Variants in C4orf50 observed in about 807,000 individuals in gnomAD.
C4orf50 encodes the protein chromosome 4 open reading frame 50, also known as uncharacterized protein C4orf50.
In C4orf50, 80 loss-of-function variants were observed where a neutral mutation model predicts 77.2. The ratio of observed to expected loss-of-function variants is 1.04; its 90% CI spans 0.87 to 1.25. C4orf50 has a LOEUF of 1.25. C4orf50 is among the 50% of genes most tolerant of loss of function. The pLI, the probability that C4orf50 is intolerant of heterozygous loss-of-function variation, is 0.00. For synonymous variants in C4orf50, 532 were observed against 465.3 expected (o/e 1.14, Z -1.84); for missense variants, 1,257 against 1,152.9 (o/e 1.09, Z -1.31).
intron 7 of C4orf50, among the ~76,000 whole-genome samples, chr4:5,927,854 A>G (rs949450981): frequency 6.6e-6 from 1 of 152,110 alleles, no homozygotes; most frequent in Non-Finnish European, 1.5e-5. Context: ...CAGCTCAGAC[A>G]TGGCCTCCTC....
chr4:5,938,238 G>A (rs536197191), intron 7 of C4orf50, among the ~76,000 whole-genome samples: 1 of 152,172 alleles, frequency 6.6e-6, no homozygotes, highest in Non-Finnish European at 1.5e-5. Flanking sequence ...CTCTGGTTAC[G>A]ATGGAATTAA....
At chr4:5,926,428 C>T (rs1717514202) in intron 7 of C4orf50, among the ~76,000 whole-genome samples, 1 of 152,202 alleles carries the variant, frequency 6.6e-6, no homozygotes, top group African/African-American at 2.4e-5. Flanking sequence ...ATGTCAGTTA[C>T]CCCAGAGCGT....
At chr4:5,988,761 C>G (rs1013105218) in exon 28 of C4orf50, 5 of 1,536,096 alleles carry the variant, frequency 3.3e-6, no homozygotes, top group Non-Finnish European at 4.4e-6. Context: ...GGACATGGAC[C>G]CTGCGTAGAA....
intron 23 of C4orf50, among the ~76,000 whole-genome samples, chr4:6,013,365 A>G (rs1300505146): frequency 1.3e-5 from 2 of 152,156 alleles, no homozygotes; most frequent in African/African-American, 4.8e-5. Context: ...TGCTAGGAAA[A>G]ACAAAAGCCT....
Position 5,908,690 on chromosome 4 carries a change from C to T in C4orf50, c.*2475-10502G>A, listed in dbSNP as rs371454054. Among the ~76,000 whole-genome samples, 1 of 152,108 alleles carries T rather than the reference C, an allele frequency of 6.6e-6. No homozygotes were observed. The highest frequency in any genetic ancestry group is 2.4e-5 in the African/African-American group (1 of 41,412). ...AGCTCCTCAATGAGAGAACACCATC[C>T]GATAGGAGAGACCAATACATACGTG... is the stretch of plus-strand genomic sequence containing the variant. On this transcript the variant is annotated intron_variant, in intron 7 of 7. Transcript: ENST00000324058. The surrounding 1 kb of genome is among the most constrained non-coding windows in gnomAD (Gnocchi z 5.6).
At chr4:5,975,988 C>A (rs1445016302) in intron 29 of C4orf50, 33 bp from the exon 8 acceptor site, 1 of 1,578,590 alleles carries the variant, frequency 6.3e-7, no homozygotes, top group Non-Finnish European at 8.7e-7. Flanking sequence ...GACAACACTG[C>A]ACTGTCACTT....
chr4:6,001,893 G>A (rs1314144972), intron 25 of C4orf50, among the ~76,000 whole-genome samples: 5 of 152,222 alleles, frequency 3.3e-5, no homozygotes, highest in Admixed American at 1.3e-4. Context: ...CTGCCCTTGG[G>A]AGGCTCAGCC....
intron 25 of C4orf50, among the ~76,000 whole-genome samples, chr4:5,999,899 A>G (rs1459454313): frequency 6.6e-6 from 1 of 152,190 alleles, no homozygotes; most frequent in Non-Finnish European, 1.5e-5. Flanking sequence ...GACACAGGCA[A>G]GGCTTACAAG....
At chr4:5,962,604 A>G (rs1048992225) in intron 33 of C4orf50, among the ~76,000 whole-genome samples, 3 of 152,176 alleles carry the variant, frequency 2.0e-5, no homozygotes, top group African/African-American at 7.2e-5. Context: ...GCCACGCACC[A>G]TCTGGCCACA....
chr4:6,013,944 G>C (rs1722586500), intron 23 of C4orf50, among the ~76,000 whole-genome samples: 1 of 151,954 alleles, frequency 6.6e-6, no homozygotes, highest in African/African-American at 2.4e-5. Context: ...AAGGAACACT[G>C]TTCCCTGATT....
At chr4:5,909,208 C>A (rs973986344) in intron 7 of C4orf50, among the ~76,000 whole-genome samples, 1 of 152,172 alleles carries the variant, frequency 6.6e-6, no homozygotes, top group Non-Finnish European at 1.5e-5. Flanking sequence ...AAATTCAAAC[C>A]CTTCTACGTC....
exon 28 of C4orf50, chr4:5,988,435 T>C (rs978523126): frequency 3.7e-6 from 6 of 1,603,216 alleles, no homozygotes; most frequent in Non-Finnish European, 5.1e-6. Context: ...ATGTGCTTCT[T>C]TCACTTCTGC....
intron 7 of C4orf50, among the ~76,000 whole-genome samples, chr4:5,940,581 C>T (rs1306695383): frequency 6.6e-6 from 1 of 152,180 alleles, no homozygotes; most frequent in Non-Finnish European, 1.5e-5. Context: ...TCATTTCCTG[C>T]CAGTGAAGGA....
At chr4:6,003,827 G>GTGATA (rs1721984391) in intron 25 of C4orf50, among the ~76,000 whole-genome samples, 1 of 60,062 alleles carries the variant, frequency 1.7e-5, no homozygotes, top group East Asian at 5.4e-4. Flanking sequence ...TGATGGTGAT[G>GTGATA]GTGATGATGT....
chr4:5,948,341 G>A (rs1262756967), intron 7 of C4orf50, among the ~76,000 whole-genome samples: 4 of 152,316 alleles, frequency 2.6e-5, no homozygotes, highest in Middle Eastern at 3.4e-3. Flanking sequence ...TCTAGGTATT[G>A]GGCATTAGGG....
intron 31 of C4orf50, among the ~76,000 whole-genome samples, chr4:5,969,128 G>A (rs182529982): frequency 1.5e-4 from 23 of 152,200 alleles, no homozygotes; most frequent in Admixed American, 1.3e-3. Flanking sequence ...GAGAAGGAAC[G>A]TCCACTAAAT....
intron 30 of C4orf50, among the ~76,000 whole-genome samples, chr4:5,974,126 C>G (rs1032648389): frequency 7.2e-5 from 11 of 152,222 alleles, no homozygotes; most frequent in African/African-American, 2.2e-4. Flanking sequence ...CCACCACGGA[C>G]CAGCTCTGTG....
At chr4:5,938,001 GA>G (rs1159726421) in intron 7 of C4orf50, among the ~76,000 whole-genome samples, 1 of 152,130 alleles carries the variant, frequency 6.6e-6, no homozygotes, top group Non-Finnish European at 1.5e-5. Flanking sequence ...CTCAGAACTT[GA>G]CAGATCAAGC....
chr4:5,993,314 G>T (rs754784416), intron 26 of C4orf50, among the ~76,000 whole-genome samples: 1 of 152,232 alleles, frequency 6.6e-6, no homozygotes, highest in Non-Finnish European at 1.5e-5. Context: ...CGACATGGCA[G>T]CTCTGCTCCC....
Sources: gnomAD v4.1 joint callset for allele counts (sites outside exome capture counted in the v4.1 genomes callset) on GRCh38, gnomAD v4.1.1 for gene constraint, Gnocchi (gnomAD v3.1) non-coding constraint, MANE v1.5 for transcripts, NCBI Gene and HGNC (gene_info 2026-07-23, HGNC 2026-07-21) for gene names.